Variants in CNTNAP2 observed in about 807,000 individuals in gnomAD.
The protein encoded by CNTNAP2 is contactin-associated protein-like 2.
In CNTNAP2, 98 loss-of-function variants were observed where a neutral mutation model predicts 155.2. The observed-to-expected ratio is 0.63, with a 90% confidence interval of 0.54 to 0.75. CNTNAP2 has a LOEUF of 0.75. Ranked by LOEUF, CNTNAP2 falls within the 30% of genes least tolerant of loss-of-function variation. The pLI, the probability that CNTNAP2 is intolerant of heterozygous loss-of-function variation, is 0.00. For missense variants in CNTNAP2, 1,727 were observed against 1,688.1 expected (o/e 1.02, Z -0.40); for synonymous variants, 651 against 631.2 (o/e 1.03, Z -0.47).
At chr7:147,732,549 C>T (rs1796761237) in intron 13 of CNTNAP2, among the ~76,000 whole-genome samples, 1 of 152,082 alleles carries the variant, frequency 6.6e-6, no homozygotes, top group Non-Finnish European at 1.5e-5. Context: ...TGGGTATATA[C>T]CCAGTAATGG....
intron 1 of CNTNAP2, among the ~76,000 whole-genome samples, chr7:146,265,495 G>A (rs971792698): frequency 7.4e-5 from 10 of 135,322 alleles, no homozygotes; most frequent in South Asian, 2.3e-4. Flanking sequence ...TTTCACTCCC[G>A]TCATCCAGAC....
At chr7:148,126,896 G>T (rs1804728444) in intron 16 of CNTNAP2, among the ~76,000 whole-genome samples, 1 of 152,192 alleles carries the variant, frequency 6.6e-6, no homozygotes, top group South Asian at 2.1e-4. Flanking sequence ...CAATTCTAAG[G>T]GTTGTAAGTT....
chr7:146,207,610 T>G (rs1415396998), intron 1 of CNTNAP2, among the ~76,000 whole-genome samples: 1 of 149,568 alleles, frequency 6.7e-6, no homozygotes, highest in Non-Finnish European at 1.5e-5. Context: ...AGTTACAAAA[T>G]ACTTTCTTCA....
chr7:147,314,294 C>T (rs1352681038), intron 9 of CNTNAP2, among the ~76,000 whole-genome samples: 2 of 152,136 alleles, frequency 1.3e-5, no homozygotes, highest in African/African-American at 4.8e-5. Context: ...TTCCTAGTAA[C>T]ATATAATTCA....
At chr7:147,326,123 A>C (rs563050403) in intron 9 of CNTNAP2, among the ~76,000 whole-genome samples, 1 of 152,186 alleles carries the variant, frequency 6.6e-6, no homozygotes, top group African/African-American at 2.4e-5. Context: ...ATGGGGTTTC[A>C]CCGTGTTAGC....
chr7:147,141,079 A>T (rs1191873443), intron 8 of CNTNAP2, among the ~76,000 whole-genome samples: 1 of 152,180 alleles, frequency 6.6e-6, no homozygotes, highest in Non-Finnish European at 1.5e-5. Context: ...TGGCTCCAAT[A>T]ACCTCGTAAG....
At chr7:147,331,286 G>A (rs1370437239) in intron 9 of CNTNAP2, among the ~76,000 whole-genome samples, 4 of 152,114 alleles carry the variant, frequency 2.6e-5, no homozygotes, top group East Asian at 3.9e-4. Flanking sequence ...AACCAGGATC[G>A]CTGGCTTGGA....
chr7:148,165,769 A>C (rs79480468), intron 17 of CNTNAP2, among the ~76,000 whole-genome samples: 3 of 152,004 alleles, frequency 2.0e-5, no homozygotes, highest in Non-Finnish European at 4.4e-5. Context: ...CCATACATCA[A>C]ATTGTGCCTG....
intron 3 of CNTNAP2, among the ~76,000 whole-genome samples, chr7:146,894,476 T>A (rs1795837847): frequency 1.3e-5 from 2 of 152,158 alleles, no homozygotes; most frequent in Non-Finnish European, 1.5e-5. Flanking sequence ...GTTTTGGTTT[T>A]CTCTTGTTTT....
chr7:147,620,649 G>A (rs950355535), intron 12 of CNTNAP2, among the ~76,000 whole-genome samples: 2 of 151,804 alleles, frequency 1.3e-5, no homozygotes, highest in African/African-American at 4.8e-5. Context: ...TCAAACAGAA[G>A]AATTAGTAAG....
At chr7:147,411,455 G>C (rs1797101398) in intron 10 of CNTNAP2, among the ~76,000 whole-genome samples, 1 of 152,152 alleles carries the variant, frequency 6.6e-6, no homozygotes. Flanking sequence ...CAGTTTTCCA[G>C]GCAAATCTGA....
At chr7:147,729,417 C>G (rs1359803084) in intron 13 of CNTNAP2, among the ~76,000 whole-genome samples, 1 of 30,738 alleles carries the variant, frequency 3.3e-5, no homozygotes, top group Non-Finnish European at 6.4e-5. Context: ...CACACACACG[C>G]ACACACACAC....
intron 2 of CNTNAP2, among the ~76,000 whole-genome samples, chr7:146,795,646 T>C (rs1449671969): frequency 6.6e-6 from 1 of 152,188 alleles, no homozygotes. Context: ...TGGTTACTTT[T>C]CCCAATTTCC....
chr7:147,978,286 A>G, intron 15 of CNTNAP2: 1 of 402,662 alleles, frequency 2.5e-6, no homozygotes, highest in Non-Finnish European at 4.7e-6. Context: ...TAAATGCAGT[A>G]CTCAACAGCT....
At chr7:147,614,985 G>C (rs115368827) in intron 12 of CNTNAP2, among the ~76,000 whole-genome samples, 2,675 of 151,324 alleles carry the variant, frequency 0.018, 82 homozygotes, top group African/African-American at 0.062. Context: ...ACATGTGATG[G>C]CTTATAACTG....
intron 15 of CNTNAP2, among the ~76,000 whole-genome samples, chr7:148,096,394 T>G (rs1023368595): frequency 6.6e-6 from 1 of 151,844 alleles, no homozygotes; most frequent in Non-Finnish European, 1.5e-5. Flanking sequence ...CCATGGATAT[T>G]AAAGTACCCC....
At position 146,991,332 on chromosome 7, in the gene CNTNAP2, AAAGG is replaced by A. The variant is rs548105077; in HGVS notation, c.403-52569_403-52566del. ...TAGCTAGAGAATTTAATTCAAATGT[AAAGG>A]AAGGACACCTGATATGCACTTCAAT... On this transcript the variant is annotated intron_variant, in intron 3 of 23. Coordinates refer to ENST00000361727, the MANE Select transcript of CNTNAP2 (RefSeq NM_014141.6). Among the ~76,000 whole-genome samples, 535 of 152,272 alleles carry A rather than the reference AAAGG, an allele frequency of 3.5e-3. 5 individuals are homozygous for A. The highest frequency in any genetic ancestry group is 0.012 in the African/African-American group (493 of 41,554).
chr7:147,884,969 CT>C (rs774452363), intron 13 of CNTNAP2, among the ~76,000 whole-genome samples: 1 of 152,220 alleles, frequency 6.6e-6, no homozygotes, highest in Non-Finnish European at 1.5e-5. Flanking sequence ...AGGTTTTGAG[CT>C]GCATAAGCAG....
At chr7:148,364,025 C>T (rs1224659580) in intron 21 of CNTNAP2, among the ~76,000 whole-genome samples, 10 of 152,206 alleles carry the variant, frequency 6.6e-5, no homozygotes, top group African/African-American at 1.9e-4. Context: ...GATTTCTCGC[C>T]GGGCCTTGGC....
Sources: allele counts gnomAD v4.1 joint callset (sites outside exome capture counted in the v4.1 genomes callset), GRCh38; gene constraint gnomAD v4.1.1; transcripts MANE v1.5; gene names NCBI Gene and HGNC (gene_info 2026-07-23, HGNC 2026-07-21).